AGBL4: variants seen among roughly 807,000 people sequenced by gnomAD.
AGBL4 encodes AGBL carboxypeptidase 4.
Under a neutral mutation model 66.4 loss-of-function variants are expected in AGBL4, and 58 were observed. That is an observed-to-expected ratio of 0.87 (90% CI 0.71 to 1.09). The LOEUF is 1.09. Among genes scored for constraint, AGBL4 ranks in the 50% least tolerant of loss-of-function variants. AGBL4 has a pLI of 0.00. For missense variants in AGBL4, 579 were observed against 631.0 expected (o/e 0.92, Z 0.88); for synonymous variants, 234 against 222.9 (o/e 1.05, Z -0.44).
intron 6 of AGBL4, among the ~76,000 whole-genome samples, chr1:48,712,536 C>T (rs185701348): frequency 1.4e-4 from 22 of 152,226 alleles, no homozygotes; most frequent in African/African-American, 5.3e-4. Flanking sequence ...AAACACAGGC[C>T]GGATGCTGTT....
At chr1:49,842,186 A>G in intron 2 of AGBL4, 2 of 421,988 alleles carry the variant, frequency 4.7e-6, no homozygotes, top group Non-Finnish European at 4.6e-6. Context: ...CTTTGAGGAC[A>G]TGGTGGTGGA....
chr1:49,875,805 C>T (rs1452656994), intron 1 of AGBL4, among the ~76,000 whole-genome samples: 3 of 133,236 alleles, frequency 2.3e-5, no homozygotes, highest in African/African-American at 8.6e-5. Context: ...TCTCCACATC[C>T]TCTCCAGCAC....
intron 4 of AGBL4, among the ~76,000 whole-genome samples, chr1:49,221,079 GA>G (rs1649459789): frequency 6.6e-6 from 1 of 152,062 alleles, no homozygotes; most frequent in Non-Finnish European, 1.5e-5. Context: ...TAAAGCTAAA[GA>G]AAACTTAGGG....
At position 48,587,003 on chromosome 1, in the gene AGBL4, C is replaced by T. The variant is rs759726913; in HGVS notation, c.1267+1G>A. The T allele has an allele frequency of 7.5e-6, 12 of 1,609,996 alleles. No individual in the cohort carries two copies. Among genetic ancestry groups the T allele is most frequent in the Non-Finnish European group, 9.3e-6 (11 of 1,178,418 alleles). On this transcript the variant is annotated splice_donor_variant, in intron 11 of 13. Transcript: ENST00000371839. LOFTEE classifies it high-confidence loss of function. Reference sequence around the variant, plus strand: ...CAAGGCTGGGTGGGGACTAAGGATACAGGCTTCTTCAGTGTAGGGCACAGC... The same window carrying T: ...CAAGGCTGGGTGGGGACTAAGGATATAGGCTTCTTCAGTGTAGGGCACAGC...
chr1:49,514,976 G>C (rs1649646657), intron 3 of AGBL4, among the ~76,000 whole-genome samples: 1 of 152,006 alleles, frequency 6.6e-6, no homozygotes, highest in African/African-American at 2.4e-5. Context: ...CACAGGCATG[G>C]GCAAGGACTT....
chr1:48,582,333 A>T (rs971025185), intron 11 of AGBL4, among the ~76,000 whole-genome samples: 6 of 152,220 alleles, frequency 3.9e-5, no homozygotes, highest in Non-Finnish European at 8.8e-5. Context: ...GAATTATATA[A>T]CTTACATTTT....
intron 5 of AGBL4, among the ~76,000 whole-genome samples, chr1:49,004,035 C>T (rs961815986): frequency 6.6e-6 from 1 of 152,226 alleles, no homozygotes; most frequent in Non-Finnish European, 1.5e-5. Flanking sequence ...GTCATTTAAA[C>T]TGGGTGCTAA....
chr1:48,808,355 T>A (rs1295972610), intron 6 of AGBL4, among the ~76,000 whole-genome samples: 1 of 152,202 alleles, frequency 6.6e-6, no homozygotes, highest in Admixed American at 6.5e-5. Flanking sequence ...GCAAGATAGA[T>A]ATTAGTACTC....
intron 3 of AGBL4, among the ~76,000 whole-genome samples, chr1:49,437,389 T>A (rs1645926534): frequency 6.6e-6 from 1 of 152,226 alleles, no homozygotes; most frequent in Non-Finnish European, 1.5e-5. Context: ...CTGTCTTGTA[T>A]ATTTATGCAA....
chr1:49,364,758 G>A (rs142563281), intron 3 of AGBL4, among the ~76,000 whole-genome samples: 4,644 of 152,284 alleles, frequency 0.03, 133 homozygotes, highest in Non-Finnish European at 0.049. Flanking sequence ...GATTAAAGGC[G>A]TGAGCCACCG....
intron 7 of AGBL4, among the ~76,000 whole-genome samples, chr1:48,659,789 C>A (rs1170005461): frequency 1.3e-5 from 2 of 152,228 alleles, no homozygotes; most frequent in African/African-American, 4.8e-5. Flanking sequence ...GGCCCTGGCA[C>A]CGGCCATGTG....
intron 5 of AGBL4, among the ~76,000 whole-genome samples, chr1:48,875,681 A>G (rs1399569118): frequency 1.3e-5 from 2 of 152,202 alleles, no homozygotes; most frequent in Non-Finnish European, 2.9e-5. Flanking sequence ...GCAAGTGGAA[A>G]TAGAGAGGAG....
chr1:49,217,261 C>A (rs772203270), intron 4 of AGBL4, among the ~76,000 whole-genome samples: 1 of 152,100 alleles, frequency 6.6e-6, no homozygotes, highest in African/African-American at 2.4e-5. Context: ...CTTCCCTCCT[C>A]CTATTTAGCC....
intron 4 of AGBL4, among the ~76,000 whole-genome samples, chr1:49,117,326 G>C (rs371941895): frequency 1.6e-4 from 24 of 152,078 alleles, no homozygotes; most frequent in African/African-American, 5.8e-4. Context: ...TTGCCTAGGT[G>C]TTCTTCTAGG....
intron 6 of AGBL4, among the ~76,000 whole-genome samples, chr1:48,830,332 A>G (rs1428504506): frequency 6.6e-6 from 1 of 152,180 alleles, no homozygotes; most frequent in African/African-American, 2.4e-5. Flanking sequence ...TTGCAACTCT[A>G]CTTTACAGAT....
At chr1:49,158,034 T>TG (rs1200332148) in intron 4 of AGBL4, among the ~76,000 whole-genome samples, 1 of 152,168 alleles carries the variant, frequency 6.6e-6, no homozygotes, top group Non-Finnish European at 1.5e-5. Flanking sequence ...GTAGGTTGCC[T>TG]GTTCACTCTA....
In AGBL4 at chr1:48,782,305, A is replaced by G. The variant is rs1645314849; in HGVS notation, c.634+84886T>C. Among the ~76,000 whole-genome samples the G allele has an allele frequency of 2.6e-5, 4 of 151,606 alleles. No individual in the cohort carries two copies. In the South Asian group the frequency reaches 8.3e-4, roughly 32 times the overall value. ...GGGGCAGCTTTGCAACTGCATCTCC[A>G]CTCCACTCTCCTGTTGAGTTTTGCA... On this transcript the variant is annotated intron_variant, in intron 6 of 13. Transcript: ENST00000371839.
At chr1:48,655,099 T>C (rs1007556575) in intron 7 of AGBL4, among the ~76,000 whole-genome samples, 1 of 152,108 alleles carries the variant, frequency 6.6e-6, no homozygotes, top group African/African-American at 2.4e-5. Flanking sequence ...CCTTCACAGA[T>C]GAGCAGATTA....
intron 2 of AGBL4, among the ~76,000 whole-genome samples, chr1:49,708,469 G>A (rs542713377): frequency 6.6e-6 from 1 of 151,966 alleles, no homozygotes; most frequent in South Asian, 2.1e-4. Context: ...TTTTATCAAG[G>A]TTCTTAACTT....
Sources: allele counts gnomAD v4.1 joint callset (sites outside exome capture counted in the v4.1 genomes callset), GRCh38; gene constraint gnomAD v4.1.1; transcripts MANE v1.5; gene names NCBI Gene and HGNC (gene_info 2026-07-23, HGNC 2026-07-21).